Variants in AADAC observed in about 807,000 individuals in gnomAD.
AADAC encodes arylacetamide deacetylase.
In AADAC, 17 loss-of-function variants were observed where a neutral mutation model predicts 22.7. The ratio of observed to expected loss-of-function variants is 0.75; its 90% CI spans 0.51 to 1.12. The LOEUF (loss-of-function observed/expected upper bound fraction) is 1.12, where lower values mean the gene tolerates loss of function less well. AADAC is among the 50% of genes most tolerant of loss of function. The pLI is 0.00. For missense variants in AADAC, 465 were observed against 473.9 expected (o/e 0.98, Z 0.17); for synonymous variants, 167 against 176.3 (o/e 0.95, Z 0.42).
intron 2 of AADAC, among the ~76,000 whole-genome samples, chr3:151,818,321 A>C (rs1716089770): frequency 6.6e-6 from 1 of 152,008 alleles, no homozygotes; most frequent in South Asian, 2.1e-4. Context: ...TTTGATCGAT[A>C]AATAAGTAAA....
intron 3 of AADAC, among the ~76,000 whole-genome samples, chr3:151,823,741 G>C (rs563483477): frequency 6.6e-6 from 1 of 151,942 alleles, no homozygotes; most frequent in East Asian, 1.9e-4. Context: ...GCATACCTCT[G>C]TTATTATCAA....
At position 151,828,128 on chromosome 3, in the gene AADAC, A is replaced by G; in HGVS notation, c.1156A>G (p.Arg386Gly). The G allele has an allele frequency of 1.2e-6, 2 of 1,606,328 alleles. No individual in the cohort carries two copies. Among genetic ancestry groups the G allele is most frequent in the Non-Finnish European group, 8.5e-7 (1 of 1,174,462 alleles). ...ATTTCTGGGACTTAAAATTAGTCAC[A>G]GACTTATAAATCAGTATATTGAGTG... ...FSFLGLKISH[R>G]LINQYIEWLK... Residue 386 changes from arginine (R) to glycine (G), a missense_variant, in exon 5 of 5, where the codon AGA becomes GGA. By Grantham distance (125) the Arg-to-Gly change is moderately radical. Transcript: ENST00000232892.
chr3:151,819,582 G>A (rs1355911620), intron 2 of AADAC, among the ~76,000 whole-genome samples: 6 of 151,968 alleles, frequency 3.9e-5, no homozygotes, highest in Admixed American at 6.6e-5. Flanking sequence ...TTTTGTGCAG[G>A]AGAAATATAA....
intron 4 of AADAC, 22 bp from the exon 5 acceptor site, chr3:151,827,554 T>C: frequency 1.4e-6 from 2 of 1,418,086 alleles, no homozygotes; most frequent in Non-Finnish European, 9.6e-7. Context: ...AAATGATTTG[T>C]GCAAATCATC....
intron 3 of AADAC, among the ~76,000 whole-genome samples, chr3:151,824,225 G>C (rs931871627): frequency 6.6e-6 from 1 of 151,970 alleles, no homozygotes; most frequent in Non-Finnish European, 1.5e-5. Context: ...ATGGGTAAAT[G>C]ATTTGTGGTA....
chr3:151,823,511 T>C (rs1021300746), intron 3 of AADAC, among the ~76,000 whole-genome samples: 2 of 151,776 alleles, frequency 1.3e-5, no homozygotes, highest in African/African-American at 2.4e-5. Flanking sequence ...CATCAAACAA[T>C]ATATGAAAAT....
chr3:151,816,884 T>TA (rs1716011110), intron 1 of AADAC, among the ~76,000 whole-genome samples: 1 of 151,908 alleles, frequency 6.6e-6, no homozygotes, highest in Non-Finnish European at 1.5e-5. Context: ...GGTCTTGTTA[T>TA]ATAGATGGAT....
chr3:151,820,379 T>G lies in AADAC; in HGVS notation c.362-4T>G, dbSNP rs1273844755. On this transcript the variant is annotated splice_region_variant and splice_polypyrimidine_tract_variant and intron_variant, in intron 2 of 4. Transcript: ENST00000232892. ...AATATGTTGCTTTTATCCTTTTATT[T>G]CAGCTCTAAGTGGTTATGACTTGCT... The G allele has an allele frequency of 2.3e-5, 36 of 1,568,716 alleles. No homozygotes were observed. The highest frequency in any genetic ancestry group is 3.0e-5 in the Non-Finnish European group (35 of 1,155,116).
chr3:151,820,497 C>T, intron 3 of AADAC, 45 bp downstream of exon 3: 1 of 1,063,554 alleles, frequency 9.4e-7, no homozygotes, highest in Non-Finnish European at 1.3e-6. Context: ...GTCTGACATG[C>T]CAAGATTTTC....
intron 1 of AADAC, among the ~76,000 whole-genome samples, chr3:151,816,660 T>G (rs762306396): frequency 3.6e-4 from 55 of 152,174 alleles, no homozygotes; most frequent in Non-Finnish European, 1.0e-4. Flanking sequence ...GAAAGTCAAC[T>G]GACAGGTCTG....
intron 1 of AADAC, among the ~76,000 whole-genome samples, chr3:151,815,203 G>A (rs1356675284): frequency 6.6e-6 from 1 of 152,052 alleles, no homozygotes; most frequent in Non-Finnish European, 1.5e-5. Flanking sequence ...GAAGGCAAGA[G>A]TGGGCTACTG....
chr3:151,820,512 C>CTTTTTTT, intron 3 of AADAC, 60 bp downstream of exon 3: 1 of 615,064 alleles, frequency 1.6e-6, no homozygotes, highest in Non-Finnish European at 2.3e-6. Flanking sequence ...ATTTTCTCAG[C>CTTTTTTT]TTTCTTTTTT....
chr3:151,820,287 A>C (rs1560311054), intron 2 of AADAC, 96 bp from the exon 3 acceptor site: 23 of 744,178 alleles, frequency 3.1e-5, no homozygotes, highest in South Asian at 7.5e-5. Flanking sequence ...GAACTGCCAG[A>C]ACGTGAAAGA....
chr3:151,824,569 T>C (rs1191878659), intron 3 of AADAC, 94 bp from the exon 4 acceptor site: 1 of 1,032,016 alleles, frequency 9.7e-7, no homozygotes, highest in Admixed American at 4.0e-5. Flanking sequence ...GTGCAAAAGT[T>C]ATTGCGGTTT....
chr3:151,817,726 T>A, intron 2 of AADAC, 138 bp downstream of exon 2: 1 of 744,638 alleles, frequency 1.3e-6, no homozygotes, highest in East Asian at 2.7e-5. Flanking sequence ...TGGCAAAGTT[T>A]TACTTTTCCC....
chr3:151,820,368 A>G lies in AADAC; in HGVS notation c.362-15A>G. On this transcript the variant is annotated splice_polypyrimidine_tract_variant and intron_variant, in intron 2 of 4. Transcript: ENST00000232892. ...TCTGTTTTACTAATATGTTGCTTTT[A>G]TCCTTTTATTTCAGCTCTAAGTGGT... 1 of 1,558,836 alleles carries G rather than the reference A, an allele frequency of 6.4e-7. No individual in the cohort carries two copies. The highest frequency in any genetic ancestry group is 8.7e-7 in the Non-Finnish European group (1 of 1,148,586).
intron 4 of AADAC, among the ~76,000 whole-genome samples, chr3:151,825,214 A>G (rs1483179545): frequency 6.6e-6 from 1 of 151,560 alleles, no homozygotes; most frequent in Admixed American, 6.6e-5. Context: ...TCTACAAAAA[A>G]AAAAAAAGAA....
rs1348834018 is a variant in AADAC, at chr3:151,820,511, G to GCTTT, written c.431+64_431+67dup. 119 of 639,214 alleles carry GCTTT rather than the reference G, an allele frequency of 1.9e-4. 1 individual carries two copies. Among genetic ancestry groups the GCTTT allele is most frequent in the African/African-American group, 3.9e-4 (15 of 38,162 alleles). The allele number at this position is 639,214 out of a possible 1,614,324, so 39.6% of individuals were successfully genotyped here. ...TGTCTGACATGCCAAGATTTTCTCA[G>GCTTT]CTTTCTTTTTTTTTTTTTTTTTTTG... On this transcript the variant is annotated intron_variant, in intron 3 of 4. Coordinates refer to ENST00000232892, the MANE Select transcript of AADAC (RefSeq NM_001086.3).
chr3:151,816,666 G>A (rs955921071), intron 1 of AADAC, among the ~76,000 whole-genome samples: 5 of 151,942 alleles, frequency 3.3e-5, no homozygotes, highest in African/African-American at 7.2e-5. Context: ...CAACTGACAG[G>A]TCTGGTTAAT....
Sources: gnomAD v4.1 joint callset for allele counts (sites outside exome capture counted in the v4.1 genomes callset) on GRCh38, gnomAD v4.1.1 for gene constraint, MANE v1.5 for transcripts, NCBI Gene and HGNC (gene_info 2026-07-23, HGNC 2026-07-21) for gene names.